Variants in CLEC9A observed in about 807,000 individuals in gnomAD.
CLEC9A encodes the protein C-type lectin domain containing 9A.
A neutral mutation model predicts 30.0 loss-of-function variants in CLEC9A; 24 were observed. That is an observed-to-expected ratio of 0.80 (90% CI 0.58 to 1.13). CLEC9A has a LOEUF of 1.13. Ranked by LOEUF, CLEC9A falls within the 50% of genes most tolerant of loss-of-function variation. The pLI is 0.00. For missense variants in CLEC9A, 251 were observed against 280.9 expected (o/e 0.89, Z 0.76); for synonymous variants, 111 against 96.8 (o/e 1.15, Z -0.86).
At chr12:10,053,293 C>T (rs1035991193) in intron 4 of CLEC9A, among the ~76,000 whole-genome samples, 1 of 152,262 alleles carries the variant, frequency 6.6e-6, no homozygotes. Context: ...TCTTAGGGCT[C>T]TAGATGTCAC....
chr12:10,058,177 C>G (rs151269410), intron 5 of CLEC9A, among the ~76,000 whole-genome samples: 37 of 152,128 alleles, frequency 2.4e-4, no homozygotes, highest in African/African-American at 8.9e-4. Flanking sequence ...GCTGTTCAGA[C>G]AGTAATAAAC....
intron 7 of CLEC9A, 73 bp downstream of exon 7, chr12:10,063,279 C>T: frequency 7.5e-7 from 1 of 1,336,790 alleles, no homozygotes; most frequent in South Asian, 2.0e-5. Flanking sequence ...CCCTCATTCT[C>T]ATAAGACAAA....
chr12:10,054,741 A>G (rs1179244598), intron 5 of CLEC9A, among the ~76,000 whole-genome samples: 1 of 152,216 alleles, frequency 6.6e-6, no homozygotes. Flanking sequence ...GGCAAGTTTC[A>G]ATTTAAAATG....
chr12:10,057,980 G>T (rs1167618767), intron 5 of CLEC9A, among the ~76,000 whole-genome samples: 2 of 151,974 alleles, frequency 1.3e-5, no homozygotes, highest in Non-Finnish European at 2.9e-5. Context: ...TTATTTGGGG[G>T]ACGTTAAAAG....
chr12:10,032,009 A>G (rs1489606739), intron 1 of CLEC9A, among the ~76,000 whole-genome samples: 2 of 152,138 alleles, frequency 1.3e-5, no homozygotes, highest in South Asian at 2.1e-4. Flanking sequence ...CAGATGCTCA[A>G]TGTCATACCT....
At chr12:10,046,685 GTGT>G (rs1421066553) in intron 2 of CLEC9A, among the ~76,000 whole-genome samples, 1 of 152,166 alleles carries the variant, frequency 6.6e-6, no homozygotes. Context: ...CTCAACTGAG[GTGT>G]TGGTTAAAAC....
intron 4 of CLEC9A, 41 bp downstream of exon 4, chr12:10,052,819 A>AT (rs772346320): frequency 8.3e-6 from 13 of 1,557,506 alleles, no homozygotes; most frequent in South Asian, 1.2e-5. Flanking sequence ...TTTAGAGTTC[A>AT]TGTTTTTTTT....
chr12:10,034,464 T>C (rs1865727206), intron 1 of CLEC9A, among the ~76,000 whole-genome samples: 2 of 152,240 alleles, frequency 1.3e-5, no homozygotes, highest in South Asian at 2.1e-4. Context: ...TTTCATGATG[T>C]AAAATTATGT....
At chr12:10,055,421 G>A (rs1360187561) in intron 5 of CLEC9A, among the ~76,000 whole-genome samples, 2 of 152,106 alleles carry the variant, frequency 1.3e-5, no homozygotes, top group Non-Finnish European at 2.9e-5. Flanking sequence ...ATGACACATT[G>A]CCAAACTTCA....
At chr12:10,054,200 A>G (rs1379748069) in intron 4 of CLEC9A, 71 bp from the exon 5 acceptor site, 1 of 1,202,158 alleles carries the variant, frequency 8.3e-7, no homozygotes, top group East Asian at 2.3e-5. Context: ...ACTCAATCTC[A>G]ATCTATCCTT....
intron 2 of CLEC9A, among the ~76,000 whole-genome samples, chr12:10,043,912 C>T (rs1865821617): frequency 6.6e-6 from 1 of 152,120 alleles, no homozygotes; most frequent in Non-Finnish European, 1.5e-5. Flanking sequence ...CTCTCCTGAC[C>T]TCATGATCCG....
At chr12:10,049,229 T>C (rs1865873262) in intron 2 of CLEC9A, among the ~76,000 whole-genome samples, 1 of 152,228 alleles carries the variant, frequency 6.6e-6, no homozygotes, top group African/African-American at 2.4e-5. Context: ...ACAAATGTGC[T>C]GTCATCCAGA....
chr12:10,064,770 C>A lies in CLEC9A; in HGVS notation c.510C>A (p.Ser170Arg). The A allele has an allele frequency of 6.2e-7, 1 of 1,612,572 alleles. No individual in the cohort carries two copies. The highest frequency in any genetic ancestry group is 8.5e-7 in the Non-Finnish European group (1 of 1,179,294). ...GCAGCTTGAGGAAGATTAAAGGAAGCTATGATTACTGGGTGGGGTTGTCTC... is the reference window on the plus strand; with the variant it reads ...GCAGCTTGAGGAAGATTAAAGGAAGATATGATTACTGGGTGGGGTTGTCTC... ...ITGSLRKIKG[S>R]YDYWVGLSQD... The change falls in exon 8 of 9, where the codon AGC becomes AGA. Residue 170 changes from serine to arginine, a missense_variant. By Grantham distance (110) the Ser-to-Arg change is moderately radical. Coordinates refer to ENST00000355819, the MANE Select transcript of CLEC9A (RefSeq NM_207345.4).
chr12:10,042,351 G>T (rs1865804801), intron 2 of CLEC9A, among the ~76,000 whole-genome samples: 1 of 152,180 alleles, frequency 6.6e-6, no homozygotes, highest in Non-Finnish European at 1.5e-5. Context: ...ATGCCATTCT[G>T]AGTCTTTCAT....
chr12:10,065,510 G>C lies in CLEC9A; in HGVS notation c.604G>C (p.Glu202Gln), dbSNP rs201379734. The C allele has an allele frequency of 2.8e-4, 455 of 1,613,620 alleles. 1 individual carries two copies. The highest frequency in any genetic ancestry group is 3.6e-4 in the Non-Finnish European group (426 of 1,179,788). The stretch of plus-strand genomic sequence containing the variant: ...GACTTGCTTTTCCAGGTTGCCAGCA[G>C]AGAGATCCCAGTCAGCTAACCAAGT... Reference protein sequence around the residue: ...SSPSPGLLPAERSQSANQVCG... With the variant: ...SSPSPGLLPAQRSQSANQVCG... The change falls in exon 9 of 9, where the codon GAG becomes CAG. Residue 202 changes from glutamate to glutamine, a missense_variant. By Grantham distance (29) the Glu-to-Gln change is conservative (BLOSUM62 2). Transcript: ENST00000355819.
Position 10,042,242 on chromosome 12 carries a change from T to A in CLEC9A, c.-163+622T>A, listed in dbSNP as rs566753524. The stretch of plus-strand genomic sequence containing the variant: ...GGAAGTATATAATGTTGATATATTC[T>A]AAAGAAAAGATTAGGAGGAGTAAGA... On this transcript the variant is annotated intron_variant, in intron 2 of 8. Coordinates refer to ENST00000355819, the MANE Select transcript of CLEC9A (RefSeq NM_207345.4). Among the ~76,000 whole-genome samples, 190 of 152,362 alleles carry A rather than the reference T, an allele frequency of 1.2e-3. 1 individual carries two copies. Among genetic ancestry groups the A allele is most frequent in the African/African-American group, 4.4e-3 (183 of 41,594 alleles).
chr12:10,061,392 G>A, intron 6 of CLEC9A, 119 bp downstream of exon 6: 1 of 1,079,990 alleles, frequency 9.3e-7, no homozygotes, highest in South Asian at 1.9e-5. Flanking sequence ...TAATAAGAGT[G>A]ACATAATTTT....
At chr12:10,050,434 A>C (rs898219739) in intron 2 of CLEC9A, among the ~76,000 whole-genome samples, 1 of 152,232 alleles carries the variant, frequency 6.6e-6, no homozygotes, top group African/African-American at 2.4e-5. Flanking sequence ...TCAATAAAAC[A>C]AGATATGCCT....
At chr12:10,031,677 T>C (rs1458179683) in intron 1 of CLEC9A, among the ~76,000 whole-genome samples, 1 of 152,108 alleles carries the variant, frequency 6.6e-6, no homozygotes, top group African/African-American at 2.4e-5. Flanking sequence ...AATCCCAGCA[T>C]TTTGGAAGGC....
Sources: allele counts gnomAD v4.1 joint callset (sites outside exome capture counted in the v4.1 genomes callset), GRCh38; gene constraint gnomAD v4.1.1; transcripts MANE v1.5; gene names NCBI Gene and HGNC (gene_info 2026-07-23, HGNC 2026-07-21).